The following RNF166 variants were observed in gnomAD, a reference collection of about 807,000 sequenced individuals.
RNF166 encodes E3 ubiquitin-protein ligase RNF166.
A neutral mutation model predicts 29.4 loss-of-function variants in RNF166; 19 were observed. The observed-to-expected ratio is 0.65, with a 90% CI of 0.45 to 0.95. RNF166 has a LOEUF of 0.95. Ranked by LOEUF, RNF166 falls within the 40% of genes least tolerant of loss-of-function variation. The pLI is 0.00. For missense variants in RNF166, 347 were observed against 322.1 expected, an observed-to-expected ratio of 1.08 and a Z score of -0.59; for synonymous variants, 171 against 134.5, an observed-to-expected ratio of 1.27 and a Z score of -1.88.
intron 1 of RNF166, chr16:88,703,741 G>C (rs1910499581): frequency 1.0e-6 from 1 of 985,390 alleles, no homozygotes; most frequent in African/African-American, 1.7e-5. Flanking sequence ...GCCTTACAAA[G>C]GGAGGGGCGA....
At chr16:88,702,801 G>A (rs951838199) in intron 1 of RNF166, 2 of 985,372 alleles carry the variant, frequency 2.0e-6, no homozygotes, top group African/African-American at 3.5e-5. Flanking sequence ...AGGCGCCCCA[G>A]CAGATATTTC....
In RNF166 at chr16:88,706,355, C is replaced by T. The variant is rs1480185767; in HGVS notation, c.-30G>A. 2.1e-5 allele frequency: 25 copies of T among 1,216,580 alleles called. No individual in the cohort carries two copies. Among genetic ancestry groups the T allele is most frequent in the Non-Finnish European group, 2.1e-5 (21 of 978,684 alleles). The allele number at this position is 1,216,580 out of a possible 1,614,324, so 75.4% of individuals were successfully genotyped here. A position where few individuals can be genotyped will look rare whatever the true frequency, so the allele number is the denominator to read the frequency against. ...GGGCCAGGCCCGCGCCGCCCGCCGCCCGCTGTCCTGGCCCGGGCCGGCCCG... is the reference window on the plus strand; with the variant it reads ...GGGCCAGGCCCGCGCCGCCCGCCGCTCGCTGTCCTGGCCCGGGCCGGCCCG... On this transcript the variant is annotated 5_prime_UTR_variant, in exon 1 of 6. Transcript: ENST00000312838.
chr16:88,702,769 C>T (rs973001992), intron 1 of RNF166: 39 of 985,270 alleles, frequency 4.0e-5, no homozygotes, highest in Non-Finnish European at 3.7e-5. Flanking sequence ...CTCACTTTAC[C>T]CACCTCACCC....
chr16:88,704,605 T>A, intron 1 of RNF166: 2 of 976,362 alleles, frequency 2.0e-6, no homozygotes, highest in South Asian at 9.5e-5. Context: ...GGGAGGCTTT[T>A]CTAAAACAAG....
chr16:88,701,944 G>C (rs1910282461), intron 1 of RNF166, among the ~76,000 whole-genome samples: 1 of 152,262 alleles, frequency 6.6e-6, no homozygotes, highest in Non-Finnish European at 1.5e-5. Flanking sequence ...CACATCCTGA[G>C]GCTGGGTGGC....
rs947008613 is a variant in RNF166, at chr16:88,703,358, A to G, written c.156-1940T>C. ...CGGGGCTCGGCTGCACAGCACGGCCACGGGCTGAGGGGAAGGAAAAGGGTC... is the reference window on the plus strand; with the variant it reads ...CGGGGCTCGGCTGCACAGCACGGCCGCGGGCTGAGGGGAAGGAAAAGGGTC... On this transcript the variant is annotated intron_variant, in intron 1 of 5. Coordinates refer to ENST00000312838, the MANE Select transcript of RNF166 (RefSeq NM_178841.4). The G allele has an allele frequency of 1.5e-5, 15 of 985,438 alleles. No homozygotes were observed. In the South Asian group the frequency reaches 6.1e-4, roughly 40 times the overall value. 61.0% of individuals were successfully genotyped at this position (985,438 alleles called of 1,614,324 possible). A position where few individuals can be genotyped will look rare whatever the true frequency, so the allele number is the denominator to read the frequency against.
intron 1 of RNF166, among the ~76,000 whole-genome samples, chr16:88,705,274 C>G (rs958030908): frequency 1.4e-4 from 22 of 152,234 alleles, no homozygotes; most frequent in African/African-American, 5.3e-4. Flanking sequence ...GCAAAATGTT[C>G]TAGAGCCTCC....
At chr16:88,700,914 T>A in intron 2 of RNF166, 1 of 1,157,510 alleles carries the variant, frequency 8.6e-7, no homozygotes. Context: ...CCCAGCGCCG[T>A]CCCCGGTATC....
chr16:88,704,296 G>C (rs1348957296), intron 1 of RNF166: 1 of 985,344 alleles, frequency 1.0e-6, no homozygotes, highest in Non-Finnish European at 1.2e-6. Context: ...GAAAACAAAA[G>C]CCAGCAGGAA....
rs556094292 is a variant in RNF166 at position 88,697,238 on chromosome 16, C to T, written c.*330G>A. 4.8e-5 allele frequency: 11 copies of T among 227,104 alleles called. No individual in the cohort carries two copies. The South Asian group carries it at 9.0e-4, about 19-fold the overall frequency. 14.1% of individuals were successfully genotyped at this position (227,104 alleles called of 1,614,324 possible). A position where few individuals can be genotyped will look rare whatever the true frequency, so the allele number is the denominator to read the frequency against. On this transcript the variant is annotated 3_prime_UTR_variant, in exon 6 of 6. Coordinates refer to ENST00000312838, the MANE Select transcript of RNF166 (RefSeq NM_178841.4). ...GCGGAGCGCGACTCGCGCGTCGGTC[C>T]CTTCTTCCCACGAGGGGGTATCATG...
In RNF166 at chr16:88,697,500, G is replaced by T; in HGVS notation, c.*68C>A. 8.4e-7 allele frequency: 1 copy of T among 1,195,124 alleles called. No homozygotes were observed. Among genetic ancestry groups the T allele is most frequent in the South Asian group, 1.3e-5 (1 of 76,184 alleles). The allele number at this position is 1,195,124 out of a possible 1,614,324, so 74.0% of individuals were successfully genotyped here. ...TCCGGTGAGGTGCGCTCCCGAGCAG[G>T]TGCCAGGTGCGACACAGGAGCGGGG... On this transcript the variant is annotated 3_prime_UTR_variant, in exon 6 of 6. Coordinates refer to ENST00000312838, the MANE Select transcript of RNF166 (RefSeq NM_178841.4).
rs768223817 is a variant in RNF166 at position 88,703,195 on chromosome 16, A to AG, written c.156-1778dup. 325 of 976,724 alleles carry AG rather than the reference A, an allele frequency of 3.3e-4. 2 individuals are homozygous for AG. The highest frequency in any genetic ancestry group is 3.4e-4 in the Non-Finnish European group (279 of 822,206). The allele number at this position is 976,724 out of a possible 1,614,324, so 60.5% of individuals were successfully genotyped here. On this transcript the variant is annotated intron_variant, in intron 1 of 5. Transcript: ENST00000312838. ...AAAGCAGACGGGTGGGTGCCAGGCG[A>AG]GGGGGAGAGTCCTGGGTTTCTTTCT...
chr16:88,698,083 G>C (rs970053827), intron 5 of RNF166: 4 of 571,484 alleles, frequency 7.0e-6, no homozygotes, highest in Admixed American at 6.4e-5. Context: ...GAGTTTGTGC[G>C]AGGGTCTGCA....
chr16:88,704,270 A>T, intron 1 of RNF166: 2 of 985,478 alleles, frequency 2.0e-6, no homozygotes, highest in South Asian at 4.7e-5. Flanking sequence ...AGTTAGAAGC[A>T]GAGAGAGAAC....
At chr16:88,698,047 C>T in intron 5 of RNF166, 1 of 541,282 alleles carries the variant, frequency 1.8e-6, no homozygotes, top group East Asian at 3.2e-5. Flanking sequence ...CAGGGCGGCG[C>T]AGGGAGGGGC....
At chr16:88,699,400 C>T (rs1475239956) in intron 3 of RNF166, among the ~76,000 whole-genome samples, 2 of 152,238 alleles carry the variant, frequency 1.3e-5, no homozygotes, top group South Asian at 2.1e-4. Context: ...CCTCCTGCTC[C>T]CCACAGCTGA....
intron 5 of RNF166, chr16:88,698,048 A>T: frequency 1.9e-6 from 1 of 537,514 alleles, no homozygotes; most frequent in Non-Finnish European, 3.3e-6. Context: ...AGGGCGGCGC[A>T]GGGAGGGGCC....
chr16:88,701,727 C>G (rs1422260664), intron 1 of RNF166: 2 of 328,286 alleles, frequency 6.1e-6, no homozygotes, highest in Non-Finnish European at 5.6e-6. Context: ...GCAGGAGGCC[C>G]CAGCTCGGGC....
chr16:88,701,150 AT>A, intron 2 of RNF166, 111 bp downstream of exon 2: 1 of 1,395,462 alleles, frequency 7.2e-7, no homozygotes. Context: ...AGAGACCGCG[AT>A]TACTCAACAG....
Sources: gnomAD v4.1 joint callset for allele counts (sites outside exome capture counted in the v4.1 genomes callset) on GRCh38, gnomAD v4.1.1 for gene constraint, MANE v1.5 for transcripts, NCBI Gene and HGNC (gene_info 2026-07-23, HGNC 2026-07-21) for gene names.